The following CCDC85A variants were observed in gnomAD, a reference collection of about 807,000 sequenced individuals.
CCDC85A encodes coiled-coil domain-containing protein 85A.
In CCDC85A, 38 loss-of-function variants were observed where a neutral mutation model predicts 50.2. The observed-to-expected ratio is 0.76, with a 90% CI of 0.58 to 0.99. The LOEUF (loss-of-function observed/expected upper bound fraction) is 0.99. Ranked by LOEUF, CCDC85A falls within the 50% of genes least tolerant of loss-of-function variation. The pLI is 0.00. For missense variants in CCDC85A, 820 were observed against 742.0 expected (o/e 1.11, Z -1.22); for synonymous variants, 366 against 301.4 (o/e 1.21, Z -2.22).
chr2:56,340,557 A>G (rs1277923591), intron 2 of CCDC85A, among the ~76,000 whole-genome samples: 1 of 152,150 alleles, frequency 6.6e-6, no homozygotes, highest in Non-Finnish European at 1.5e-5. Context: ...GGCAAGTTTT[A>G]GAGCAGTAGT....
At chr2:56,239,957 A>G (rs757786403) in intron 2 of CCDC85A, among the ~76,000 whole-genome samples, 1 of 152,176 alleles carries the variant, frequency 6.6e-6, no homozygotes, top group African/African-American at 2.4e-5. Context: ...CAAGATTTAC[A>G]TACTTTAAAG....
At chr2:56,365,997 C>T (rs183680806) in intron 3 of CCDC85A, among the ~76,000 whole-genome samples, 1 of 151,986 alleles carries the variant, frequency 6.6e-6, no homozygotes, top group Non-Finnish European at 1.5e-5. Context: ...TATATGAGTA[C>T]GATCATGCAG....
At chr2:56,312,528 A>T (rs1672743072) in intron 2 of CCDC85A, among the ~76,000 whole-genome samples, 1 of 152,126 alleles carries the variant, frequency 6.6e-6, no homozygotes, top group Non-Finnish European at 1.5e-5. Flanking sequence ...TTTGAAGAAT[A>T]ACTTTACTAT....
At position 56,184,825 on chromosome 2, in the gene CCDC85A, G is replaced by A. The variant is rs1675930464; in HGVS notation, c.201G>A (p.Met67Ile). The A allele has an allele frequency of 6.5e-7, 1 of 1,544,574 alleles. No individual in the cohort carries two copies. The highest frequency in any genetic ancestry group is 1.2e-5 in the South Asian group (1 of 83,632). ...CCGAGGCGGAGAAGGTGAGCGCGAT[G>A]CTGGACCACAGCAACCTCATCCGCG... ...RRAEAEKVSAMLDHSNLIREV... is the reference protein window; with the variant it reads ...RRAEAEKVSAILDHSNLIREV... Residue 67 changes from methionine to isoleucine, a missense_variant, in exon 1 of 6, where the codon ATG becomes ATA. Met to Ile is a conservative substitution (Grantham distance 10). Coordinates refer to ENST00000407595, the MANE Select transcript of CCDC85A (RefSeq NM_001080433.2).
At chr2:56,276,476 G>T (rs6545562) in intron 2 of CCDC85A, among the ~76,000 whole-genome samples, 1 of 151,926 alleles carries the variant, frequency 6.6e-6, no homozygotes, top group African/African-American at 2.4e-5. Flanking sequence ...AATTATGGGG[G>T]CAAGTCTTTC....
intron 2 of CCDC85A, among the ~76,000 whole-genome samples, chr2:56,304,014 A>T (rs910304459): frequency 6.6e-6 from 1 of 152,302 alleles, no homozygotes; most frequent in Admixed American, 6.5e-5. Flanking sequence ...GGAAGAGTGG[A>T]TGTTGGATCT....
intron 2 of CCDC85A, among the ~76,000 whole-genome samples, chr2:56,219,316 T>C (rs570437806): frequency 6.6e-6 from 1 of 150,592 alleles, no homozygotes; most frequent in South Asian, 2.1e-4. Context: ...ACCAGAAATA[T>C]GAAGAAATAA....
intron 1 of CCDC85A, among the ~76,000 whole-genome samples, chr2:56,191,975 CA>C (rs1280330158): frequency 6.6e-6 from 1 of 152,104 alleles, no homozygotes; most frequent in Non-Finnish European, 1.5e-5. Flanking sequence ...GAGGGTGAGG[CA>C]GGGGAGCCTT....
intron 2 of CCDC85A, among the ~76,000 whole-genome samples, chr2:56,311,617 G>T (rs1475973353): frequency 6.6e-6 from 1 of 152,042 alleles, no homozygotes; most frequent in African/African-American, 2.4e-5. Flanking sequence ...ATATGACTTT[G>T]CAGTGGAGAG....
intron 1 of CCDC85A, among the ~76,000 whole-genome samples, chr2:56,189,766 G>A (rs770157778): frequency 3.9e-5 from 6 of 152,118 alleles, no homozygotes; most frequent in Non-Finnish European, 7.3e-5. Context: ...CCCAGTTTCT[G>A]TTGTTGCCAT....
intron 2 of CCDC85A, among the ~76,000 whole-genome samples, chr2:56,331,787 T>C (rs1673812245): frequency 6.6e-6 from 1 of 152,256 alleles, no homozygotes; most frequent in Admixed American, 6.5e-5. Flanking sequence ...GATTTTTTCA[T>C]CAAACCCTTC....
At chr2:56,223,155 G>T (rs1402832470) in intron 2 of CCDC85A, among the ~76,000 whole-genome samples, 2 of 152,170 alleles carry the variant, frequency 1.3e-5, no homozygotes, top group Non-Finnish European at 2.9e-5. Context: ...ACTATTTAAT[G>T]AGGTGAATGC....
rs1284290784 is a variant in CCDC85A at position 56,295,392 on chromosome 2, C to T, written c.1241-47487C>T. Among the ~76,000 whole-genome samples the T allele has an allele frequency of 3.3e-5, 5 of 152,136 alleles. No homozygotes were observed. In the East Asian group the frequency reaches 9.6e-4, roughly 29 times the overall value. On this transcript the variant is annotated intron_variant, in intron 2 of 5. Transcript: ENST00000407595. ...ATGATCTTCCATGGTGAGTTGACTT[C>T]TTCACAAATGGGCAGATTTTGCCTA...
intron 2 of CCDC85A, among the ~76,000 whole-genome samples, chr2:56,286,737 G>A (rs1205384097): frequency 6.6e-6 from 1 of 151,986 alleles, no homozygotes; most frequent in African/African-American, 2.4e-5. Flanking sequence ...TCTTTATTAT[G>A]AGTCATGTAT....
intron 1 of CCDC85A, chr2:56,185,548 C>T (rs1252490333): frequency 6.6e-6 from 1 of 152,438 alleles, no homozygotes; most frequent in African/African-American, 2.4e-5. Flanking sequence ...CCACTTAACC[C>T]CAGGTTGACT....
At chr2:56,225,226 C>T (rs1668493736) in intron 2 of CCDC85A, among the ~76,000 whole-genome samples, 4 of 152,018 alleles carry the variant, frequency 2.6e-5, no homozygotes, top group African/African-American at 9.7e-5. Flanking sequence ...AGTTCGAGAT[C>T]AGCCTGGCCA....
intron 2 of CCDC85A, among the ~76,000 whole-genome samples, chr2:56,269,831 G>A (rs1314340880): frequency 2.6e-5 from 4 of 152,002 alleles, no homozygotes; most frequent in East Asian, 1.9e-4. Flanking sequence ...CCTCTCTTGC[G>A]TTATTTCAGA....
chr2:56,184,559 G>A lies in CCDC85A; in HGVS notation c.-66G>A, dbSNP rs1189091242. 18 of 1,354,316 alleles carry A rather than the reference G, an allele frequency of 1.3e-5. No homozygotes were observed. The highest frequency in any genetic ancestry group is 1.6e-5 in the African/African-American group (1 of 64,458). 83.9% of individuals were successfully genotyped at this position (1,354,316 alleles called of 1,614,324 possible). Reference sequence around the variant, plus strand: ...GGGTGTGGGCGGAGGCGGCCTCGCCGCGCCCGCGCCTTCGGGAGTCGCCTC... The same window carrying A: ...GGGTGTGGGCGGAGGCGGCCTCGCCACGCCCGCGCCTTCGGGAGTCGCCTC... On this transcript the variant is annotated 5_prime_UTR_variant, in exon 1 of 6. Transcript: ENST00000407595.
chr2:56,204,656 A>G (rs1256811726), intron 2 of CCDC85A, among the ~76,000 whole-genome samples: 1 of 152,140 alleles, frequency 6.6e-6, no homozygotes, highest in Admixed American at 6.5e-5. Context: ...TTCCTCCAGG[A>G]GTTGTGCATC....
Sources: gnomAD v4.1 joint callset for allele counts (sites outside exome capture counted in the v4.1 genomes callset) on GRCh38, gnomAD v4.1.1 for gene constraint, MANE v1.5 for transcripts, NCBI Gene and HGNC (gene_info 2026-07-23, HGNC 2026-07-21) for gene names.